Variants in ANKHD1 observed in about 807,000 individuals in gnomAD.
ANKHD1 encodes ankyrin repeat and KH domain-containing protein 1.
A neutral mutation model predicts 230.5 loss-of-function variants in ANKHD1; 31 were observed. The ratio of observed to expected loss-of-function variants is 0.13; its 90% CI spans 0.10 to 0.18. The LOEUF is 0.18. Ranked by LOEUF, ANKHD1 falls within the 10% of genes least tolerant of loss-of-function variation. ANKHD1 has a pLI of 1.00. For synonymous variants in ANKHD1, 1,074 were observed against 1,117.6 expected, an observed-to-expected ratio of 0.96 and a Z score of 0.78; for missense variants, 2,256 against 3,071.3, an observed-to-expected ratio of 0.73 and a Z score of 6.27.
At chr5:140,404,418 A>T (rs887276255) in intron 1 of ANKHD1, among the ~76,000 whole-genome samples, 9 of 151,336 alleles carry the variant, frequency 5.9e-5, no homozygotes, top group African/African-American at 1.5e-4. Flanking sequence ...CTTTTTTTTT[A>T]ATTTTAATTT....
At chr5:140,515,887 G>T (rs374716535) in intron 24 of ANKHD1, among the ~76,000 whole-genome samples, 1 of 152,302 alleles carries the variant, frequency 6.6e-6, no homozygotes, top group South Asian at 2.1e-4. Flanking sequence ...AAAGCAGAGC[G>T]CCTCTCCTCC....
intron 14 of ANKHD1, among the ~76,000 whole-genome samples, chr5:140,494,747 C>T (rs1360853752): frequency 6.6e-6 from 1 of 151,774 alleles, no homozygotes; most frequent in African/African-American, 2.4e-5. Flanking sequence ...ATCTTTTTTC[C>T]TTTGGACTTG....
At chr5:140,470,326 A>G (rs1320135231) in intron 10 of ANKHD1, among the ~76,000 whole-genome samples, 1 of 151,500 alleles carries the variant, frequency 6.6e-6, no homozygotes, top group East Asian at 1.9e-4. Flanking sequence ...ATAAGTTGTC[A>G]TAGTATTTAA....
chr5:140,422,393 G>A (rs1278634558), intron 1 of ANKHD1, among the ~76,000 whole-genome samples: 1 of 152,070 alleles, frequency 6.6e-6, no homozygotes. Flanking sequence ...CCAAGGTGCT[G>A]GGATTACAGG....
intron 1 of ANKHD1, among the ~76,000 whole-genome samples, chr5:140,402,555 C>T (rs1770041341): frequency 6.6e-6 from 1 of 152,184 alleles, no homozygotes; most frequent in South Asian, 2.1e-4. Flanking sequence ...GCCTCCCGCC[C>T]ACCCTGCTTT....
chr5:140,501,686 T>C (rs1752309804), intron 15 of ANKHD1, among the ~76,000 whole-genome samples: 1 of 151,924 alleles, frequency 6.6e-6, no homozygotes, highest in African/African-American at 2.4e-5. Flanking sequence ...GAGGCAGAGG[T>C]TGCAGTGAGC....
At chr5:140,488,859 C>T (rs980064432) in intron 14 of ANKHD1, among the ~76,000 whole-genome samples, 7 of 151,950 alleles carry the variant, frequency 4.6e-5, no homozygotes, top group Admixed American at 2.0e-4. Context: ...GAGATCTTGC[C>T]ACTGCACTCC....
chr5:140,443,776 T>G (rs974888794), intron 5 of ANKHD1, among the ~76,000 whole-genome samples: 21 of 152,234 alleles, frequency 1.4e-4, no homozygotes, highest in African/African-American at 5.1e-4. Context: ...ATCATCAAAT[T>G]CAGTGGTTTT....
chr5:140,459,436 C>T, intron 9 of ANKHD1, 81 bp downstream of exon 9: 1 of 1,417,028 alleles, frequency 7.1e-7, no homozygotes, highest in African/African-American at 1.4e-5. Context: ...AAACGTTGAG[C>T]TCCTAGTAGA....
At chr5:140,445,631 A>G in intron 5 of ANKHD1, 111 bp from the exon 6 acceptor site, 1 of 1,029,828 alleles carries the variant, frequency 9.7e-7, no homozygotes, top group Non-Finnish European at 1.3e-6. Context: ...GCATAATCAT[A>G]ATTGTATCTG....
At chr5:140,402,354 C>T in intron 1 of ANKHD1, 81 bp downstream of exon 1, 3 of 1,376,616 alleles carry the variant, frequency 2.2e-6, no homozygotes, top group Non-Finnish European at 2.8e-6. Context: ...GGGCCATCCT[C>T]CCGCTTCCCT....
chr5:140,428,313 G>A (rs371314148), intron 1 of ANKHD1, among the ~76,000 whole-genome samples: 1 of 152,186 alleles, frequency 6.6e-6, no homozygotes. Context: ...GCAGCGAGCC[G>A]AGATCACGCC....
chr5:140,526,634 T>A (rs374152931), intron 26 of ANKHD1, among the ~76,000 whole-genome samples, 191 bp downstream of exon 26: 2 of 152,242 alleles, frequency 1.3e-5, no homozygotes, highest in South Asian at 4.1e-4. Context: ...GAAATGAGAT[T>A]ATTAGAAATT....
chr5:140,428,883 A>G (rs919176561), intron 1 of ANKHD1, among the ~76,000 whole-genome samples: 10 of 151,722 alleles, frequency 6.6e-5, no homozygotes, highest in South Asian at 4.2e-4. Context: ...CCTGGGTTCA[A>G]GCGATTCTCG....
chr5:140,412,050 A>C (rs940296637), intron 1 of ANKHD1, among the ~76,000 whole-genome samples: 8 of 151,540 alleles, frequency 5.3e-5, no homozygotes, highest in Non-Finnish European at 1.5e-5. Context: ...TTAATTAATT[A>C]ATTTTTTCCG....
intron 9 of ANKHD1, among the ~76,000 whole-genome samples, chr5:140,464,212 C>CA (rs1775924379): frequency 6.8e-6 from 1 of 146,932 alleles, no homozygotes; most frequent in African/African-American, 2.5e-5. Context: ...GCCTGAGCGA[C>CA]AGAGTGAGAC....
At position 140,537,149 on chromosome 5, in the gene ANKHD1, T is replaced by C. The variant is rs146241475; in HGVS notation, c.7028-240T>C. 1,501 of 559,824 alleles carry C rather than the reference T, an allele frequency of 2.7e-3. 5 individuals are homozygous for C. The highest frequency in any genetic ancestry group is 3.7e-3 in the Non-Finnish European group (1,374 of 374,136). 34.7% of individuals were successfully genotyped at this position (559,824 alleles called of 1,614,324 possible). A position where few individuals can be genotyped will look rare whatever the true frequency, so the allele number is the denominator to read the frequency against. On this transcript the variant is annotated intron_variant, in intron 30 of 33. Transcript: ENST00000360839. ...TGGGAAAACATTTTTTAGACTGTTG[T>C]ATACTTATTATAGGCAGAAATCGTG...
At chr5:140,511,686 AATTTACATATAGTG>A (rs1263865409) in intron 22 of ANKHD1, among the ~76,000 whole-genome samples, 1 of 152,214 alleles carries the variant, frequency 6.6e-6, no homozygotes, top group African/African-American at 2.4e-5. Context: ...AGCACAGTGC[AATTTACATATAGTG>A]AAATGCATGA....
Position 140,402,133 on chromosome 5 carries a change from G to A in ANKHD1, c.166G>A (p.Val56Ile), listed in dbSNP as rs781270043. 1.6e-5 allele frequency: 24 copies of A among 1,546,220 alleles called. No individual in the cohort carries two copies. Among genetic ancestry groups the A allele is most frequent in the Non-Finnish European group, 2.0e-5 (23 of 1,150,610 alleles). Residue 56 changes from valine to isoleucine, a missense_variant, in exon 1 of 34, where the codon GTC becomes ATC. Val to Ile is a conservative substitution (Grantham distance 29). Around this residue, in one of 13 missense-constraint regions of ANKHD1, gnomAD observed 193 missense variants for 185.8 expected, o/e 1.04. Coordinates refer to ENST00000360839, the MANE Select transcript of ANKHD1 (RefSeq NM_017747.3). ...LFGEAGPASG[V>I]GSSGGGGSGS... Reference sequence around the variant, plus strand: ...TGGGGAGGCCGGGCCAGCGTCGGGAGTCGGCAGCAGCGGCGGCGGCGGCAG... The same window carrying A: ...TGGGGAGGCCGGGCCAGCGTCGGGAATCGGCAGCAGCGGCGGCGGCGGCAG...
Sources: gnomAD v4.1 joint callset for allele counts (sites outside exome capture counted in the v4.1 genomes callset) on GRCh38, gnomAD v4.1.1 for gene constraint, gnomAD v4.1.1 regional missense constraint, MANE v1.5 for transcripts, NCBI Gene and HGNC (gene_info 2026-07-23, HGNC 2026-07-21) for gene names.